MAF: variants seen among roughly 807,000 people sequenced by gnomAD.
MAF encodes the protein MAF bZIP transcription factor.
A neutral mutation model predicts 22.0 loss-of-function variants in MAF; 10 were observed. The observed-to-expected ratio is 0.45, with a 90% CI of 0.28 to 0.77. The LOEUF (loss-of-function observed/expected upper bound fraction) is 0.77. Ranked by LOEUF, MAF falls within the 30% of genes least tolerant of loss-of-function variation. The pLI is 0.12. For missense variants in MAF, 544 were observed against 548.4 expected (o/e 0.99, Z 0.08); for synonymous variants, 337 against 255.8 (o/e 1.32, Z -3.03).
chr16:79,593,653 G>T (rs538230292), downstream of MAF, among the ~76,000 whole-genome samples: 104 of 152,302 alleles, frequency 6.8e-4, no homozygotes, highest in Admixed American at 1.8e-3. Flanking sequence ...TATTTGCCAG[G>T]CAAAAGTAGA....
At chr16:79,592,339 C>A (rs113194286), downstream of MAF, among the ~76,000 whole-genome samples, 3 of 152,098 alleles carry the variant, frequency 2.0e-5, no homozygotes, top group Admixed American at 6.5e-5. Flanking sequence ...CCCCTACCCC[C>A]GCTAGGGAAA....
the MAF span, among the ~76,000 whole-genome samples, chr16:79,336,543 G>A: frequency 1.3e-3 from 199 of 152,300 alleles, no homozygotes; most frequent in African/African-American, 4.2e-3. Context: ...TAGCTTCATT[G>A]TCCTATTTTC....
the MAF span, among the ~76,000 whole-genome samples, chr16:79,355,456 A>G: frequency 2.3e-3 from 344 of 152,284 alleles, 1 homozygote; most frequent in Non-Finnish European, 3.6e-3. Flanking sequence ...TCCCATGGCC[A>G]TTGGCCAAAC....
chr16:79,290,295 G>T, the MAF span, among the ~76,000 whole-genome samples: 1 of 152,230 alleles, frequency 6.6e-6, no homozygotes, highest in Non-Finnish European at 1.5e-5. Context: ...TCTGATGAGA[G>T]ATATAGCCAG....
At chr16:79,298,385 T>C in the MAF span, among the ~76,000 whole-genome samples, 1 of 152,222 alleles carries the variant, frequency 6.6e-6, no homozygotes, top group African/African-American at 2.4e-5. Flanking sequence ...GTCTAGCACT[T>C]TCTTCGCTGG....
the MAF span, among the ~76,000 whole-genome samples, chr16:79,220,942 G>A: frequency 6.6e-6 from 1 of 152,224 alleles, no homozygotes; most frequent in Non-Finnish European, 1.5e-5. Context: ...TCCTGGGTAT[G>A]CAACTCTCTT....
chr16:79,569,887 A>G, the MAF span, among the ~76,000 whole-genome samples: 6 of 152,162 alleles, frequency 3.9e-5, no homozygotes, highest in Non-Finnish European at 8.8e-5. Flanking sequence ...AAATACAAAC[A>G]ATTGACGTTG....
In MAF at chr16:79,600,304, G is replaced by C. The variant is rs1913951694; in HGVS notation, c.-402C>G. ...CGCGGCGTCCCCCGCTCGCCGCTCC[G>C]CTGCGCGCTTTGCATAAGGAAGGGC... is the stretch of plus-strand genomic sequence containing the variant. On this transcript the variant is annotated 5_prime_UTR_variant, in exon 1 of 2. Transcript: ENST00000326043. 4.6e-6 allele frequency: 1 copy of C among 216,932 alleles called. No homozygotes were observed. Among genetic ancestry groups the C allele is most frequent in the African/African-American group, 2.3e-5 (1 of 43,162 alleles). The allele number at this position is 216,932 out of a possible 1,614,324, so 13.4% of individuals were successfully genotyped here. A position where few individuals can be genotyped will look rare whatever the true frequency, so the allele number is the denominator to read the frequency against.
the MAF span, among the ~76,000 whole-genome samples, chr16:79,466,919 C>T: frequency 4.6e-5 from 7 of 152,164 alleles, no homozygotes; most frequent in African/African-American, 1.2e-4. Flanking sequence ...GAGGGGACCA[C>T]GGAGGAATCA....
At chr16:79,401,510 G>T in the MAF span, among the ~76,000 whole-genome samples, 3 of 152,150 alleles carry the variant, frequency 2.0e-5, no homozygotes, top group African/African-American at 7.2e-5. Context: ...TTTTATTGGA[G>T]CAGGGAGAGC....
the MAF span, among the ~76,000 whole-genome samples, chr16:79,548,481 G>GGTTT: frequency 1.5e-4 from 23 of 152,102 alleles, no homozygotes; most frequent in Non-Finnish European, 2.9e-5. Flanking sequence ...TTGGTTAGTT[G>GGTTT]GTCTTCAATC....
the MAF span, among the ~76,000 whole-genome samples, chr16:79,470,297 G>A: frequency 6.6e-6 from 1 of 152,112 alleles, no homozygotes; most frequent in Non-Finnish European, 1.5e-5. Flanking sequence ...CAATGAGGAC[G>A]CCCATCCGCC....
chr16:79,293,060 C>T, the MAF span, among the ~76,000 whole-genome samples: 1 of 152,176 alleles, frequency 6.6e-6, no homozygotes. Context: ...ATGAGTAGCC[C>T]ATGCCACTGC....
chr16:79,254,357 G>A, the MAF span, among the ~76,000 whole-genome samples: 1 of 151,962 alleles, frequency 6.6e-6, no homozygotes, highest in Non-Finnish European at 1.5e-5. Flanking sequence ...CTCCTAGTGG[G>A]CATCTCTCTA....
At chr16:79,437,110 G>C in the MAF span, among the ~76,000 whole-genome samples, 2 of 151,938 alleles carry the variant, frequency 1.3e-5, no homozygotes, top group African/African-American at 2.4e-5. Context: ...CAAGGCATGT[G>C]TTAAAGACTA....
At chr16:79,546,348 T>C in the MAF span, among the ~76,000 whole-genome samples, 1 of 152,144 alleles carries the variant, frequency 6.6e-6, no homozygotes, top group Non-Finnish European at 1.5e-5. Context: ...GAAACTAGTT[T>C]TAGGGAATAA....
At chr16:79,263,893 G>C in the MAF span, among the ~76,000 whole-genome samples, 1 of 152,138 alleles carries the variant, frequency 6.6e-6, no homozygotes, top group Non-Finnish European at 1.5e-5. Flanking sequence ...TTTCTAGGTG[G>C]TCCCACATCC....
chr16:79,225,271 C>T, the MAF span, among the ~76,000 whole-genome samples: 2 of 152,200 alleles, frequency 1.3e-5, no homozygotes, highest in South Asian at 2.1e-4. Context: ...AAAGAATTCC[C>T]TATTTGATAA....
At chr16:79,348,000 T>C in the MAF span, among the ~76,000 whole-genome samples, 1 of 152,064 alleles carries the variant, frequency 6.6e-6, no homozygotes, top group South Asian at 2.1e-4. Context: ...CTTTTTAATA[T>C]TGTCCTTTCA....
Sources: gnomAD v4.1 joint callset for allele counts (sites outside exome capture counted in the v4.1 genomes callset) on GRCh38, gnomAD v4.1.1 for gene constraint, MANE v1.5 for transcripts, NCBI Gene and HGNC (gene_info 2026-07-23, HGNC 2026-07-21) for gene names.